LARP1B: variants seen among roughly 807,000 people sequenced by gnomAD.
The protein encoded by LARP1B is La ribonucleoprotein 1B.
A neutral mutation model predicts 114.2 loss-of-function variants in LARP1B; 76 were observed. The ratio of observed to expected loss-of-function variants is 0.67; its 90% CI spans 0.55 to 0.81. The LOEUF (loss-of-function observed/expected upper bound fraction) is 0.81, where lower values mean the gene tolerates loss of function less well. Ranked by LOEUF, LARP1B falls within the 30% of genes least tolerant of loss-of-function variation. LARP1B has a pLI of 0.00. For synonymous variants in LARP1B, 345 were observed against 348.0 expected (o/e 0.99, Z 0.10); for missense variants, 1,014 against 1,075.8 (o/e 0.94, Z 0.80).
In LARP1B at chr4:128,077,924, G is replaced by C. The variant is rs777573864; in HGVS notation, c.179G>C (p.Ser60Thr). 3.1e-6 allele frequency: 5 copies of C among 1,612,648 alleles called. No homozygotes were observed. The highest frequency in any genetic ancestry group is 3.3e-5 in the Admixed American group (2 of 59,754). The change falls in exon 4 of 20, where the codon AGT becomes ACT. Residue 60 changes from serine to threonine, a missense_variant. Transcript: ENST00000326639. The part of the protein sequence containing the change: ...TKLNGPGENV[S>T]EDEAQSSNQR... Reference sequence around the variant, plus strand: ...TTAAATGGTCCTGGTGAAAACGTCAGTGAGGATGAGGCTCAGTCAAGTAAT... The same window carrying C: ...TTAAATGGTCCTGGTGAAAACGTCACTGAGGATGAGGCTCAGTCAAGTAAT...
chr4:128,115,989 CAT>C (rs1393917380), intron 10 of LARP1B, among the ~76,000 whole-genome samples: 4 of 152,142 alleles, frequency 2.6e-5, no homozygotes, highest in Admixed American at 6.5e-5. Flanking sequence ...AAGTTACACT[CAT>C]GTTAATTATT....
At chr4:128,149,959 T>C (rs1731976549) in intron 11 of LARP1B, among the ~76,000 whole-genome samples, 1 of 152,176 alleles carries the variant, frequency 6.6e-6, no homozygotes, top group Non-Finnish European at 1.5e-5. Context: ...GAGACCATCC[T>C]GGCCTACATG....
At chr4:128,174,787 C>T (rs1284075145) in intron 12 of LARP1B, among the ~76,000 whole-genome samples, 3 of 152,054 alleles carry the variant, frequency 2.0e-5, no homozygotes, top group Non-Finnish European at 4.4e-5. Flanking sequence ...AAATACTTCA[C>T]TATATATTGC....
intron 11 of LARP1B, among the ~76,000 whole-genome samples, chr4:128,128,316 T>C (rs995979411): frequency 6.6e-6 from 1 of 152,186 alleles, no homozygotes; most frequent in African/African-American, 2.4e-5. Flanking sequence ...AAGGACACTA[T>C]ACAGAAAGTG....
At chr4:128,213,468 T>C (rs754060257), downstream of LARP1B, among the ~76,000 whole-genome samples, 13 of 152,218 alleles carry the variant, frequency 8.5e-5, no homozygotes, top group Non-Finnish European at 1.9e-4. Flanking sequence ...ATTTTGCTTA[T>C]GTATGCTTGA....
chr4:128,098,747 G>GTGTGTGTGTATATATA, intron 8 of LARP1B, among the ~76,000 whole-genome samples: 1 of 15,594 alleles, frequency 6.4e-5, no homozygotes, highest in African/African-American at 1.9e-4. Flanking sequence ...ATATGTATGT[G>GTGTGTGTGTATATATA]TATATATATA....
chr4:128,137,942 C>T (rs1726197067), intron 11 of LARP1B, among the ~76,000 whole-genome samples: 1 of 151,814 alleles, frequency 6.6e-6, no homozygotes, highest in African/African-American at 2.4e-5. Context: ...GCATGCACCA[C>T]CAAACCTGGC....
At chr4:128,061,783 G>C (rs1006032577) in intron 1 of LARP1B, 1 of 984,908 alleles carries the variant, frequency 1.0e-6, no homozygotes, top group Non-Finnish European at 1.2e-6. Flanking sequence ...TGGCCGCGGC[G>C]AACCGGCCGG....
At chr4:128,184,405 A>T (rs1490222293) in intron 15 of LARP1B, among the ~76,000 whole-genome samples, 3 of 152,212 alleles carry the variant, frequency 2.0e-5, no homozygotes, top group African/African-American at 7.2e-5. Flanking sequence ...TATGACCATT[A>T]GCATTTTTAG....
At chr4:128,090,196 C>T in intron 5 of LARP1B, among the ~76,000 whole-genome samples, 1 of 152,052 alleles carries the variant, frequency 6.6e-6, no homozygotes, top group Non-Finnish European at 1.5e-5. Flanking sequence ...CTTCAGCCTC[C>T]CGAGTAGCTG....
intron 5 of LARP1B, among the ~76,000 whole-genome samples, chr4:128,086,151 C>A (rs1773460461): frequency 6.6e-6 from 1 of 151,678 alleles, no homozygotes. Context: ...CTACAAGCAC[C>A]TGCCAGCACG....
At chr4:128,084,935 C>T (rs1031974527) in intron 5 of LARP1B, among the ~76,000 whole-genome samples, 18 of 152,182 alleles carry the variant, frequency 1.2e-4, no homozygotes, top group African/African-American at 3.1e-4. Context: ...GTGATCTGGG[C>T]TCACTGCAAC....
chr4:128,117,675 C>T (rs1458029660), intron 10 of LARP1B, among the ~76,000 whole-genome samples: 1 of 151,932 alleles, frequency 6.6e-6, no homozygotes, highest in East Asian at 1.9e-4. Context: ...TGGCCCACTG[C>T]ACCTGGCCTA....
intron 1 of LARP1B, among the ~76,000 whole-genome samples, chr4:128,063,214 G>A (rs987448291): frequency 2.2e-4 from 34 of 151,560 alleles, no homozygotes. Flanking sequence ...ATCACCTGAG[G>A]TGAGGAGTTC....
chr4:128,186,391 T>A (rs1168390138), intron 15 of LARP1B, among the ~76,000 whole-genome samples: 1 of 152,232 alleles, frequency 6.6e-6, no homozygotes, highest in Admixed American at 6.5e-5. Context: ...TCACTTTGGT[T>A]ACACTTATAC....
intron 11 of LARP1B, chr4:128,122,774 AT>A (rs937846507): frequency 4.8e-5 from 56 of 1,162,628 alleles, no homozygotes; most frequent in East Asian, 3.5e-4. Flanking sequence ...TCTTGTTCTA[AT>A]TTTTTTTAAC....
chr4:128,065,253 A>ATTTCCTTCTTTCTTTCTTTC (rs1553982286), intron 1 of LARP1B, among the ~76,000 whole-genome samples: 1 of 89,544 alleles, frequency 1.1e-5, no homozygotes, highest in Non-Finnish European at 2.4e-5. Context: ...CCCACAATTA[A>ATTTCCTTCTTTCTTTCTTTC]TTTCTTTCTT....
intron 17 of LARP1B, among the ~76,000 whole-genome samples, chr4:128,205,470 G>C (rs1172562421): frequency 6.6e-6 from 1 of 152,180 alleles, no homozygotes; most frequent in Non-Finnish European, 1.5e-5. Context: ...ATAGTTTGCT[G>C]ATCTACTGAG....
At chr4:128,099,723 C>T (rs1779591760) in intron 8 of LARP1B, among the ~76,000 whole-genome samples, 1 of 151,704 alleles carries the variant, frequency 6.6e-6, no homozygotes, top group Admixed American at 6.6e-5. Context: ...TATACACACA[C>T]ACACACACAC....
Sources: allele counts gnomAD v4.1 joint callset (sites outside exome capture counted in the v4.1 genomes callset), GRCh38; gene constraint gnomAD v4.1.1; transcripts MANE v1.5; gene names NCBI Gene and HGNC (gene_info 2026-07-23, HGNC 2026-07-21).